FSTL4: variants seen among roughly 807,000 people sequenced by gnomAD.
FSTL4 encodes the protein follistatin like 4, also known as follistatin-related protein 4.
Under a neutral mutation model 78.2 loss-of-function variants are expected in FSTL4, and 28 were observed. That is an observed-to-expected ratio of 0.36 (90% confidence interval 0.27 to 0.49). The LOEUF (loss-of-function observed/expected upper bound fraction) is 0.49, where lower values mean the gene tolerates loss of function less well. FSTL4 is among the 20% of genes least tolerant of loss of function. The probability of loss-of-function intolerance (pLI) is 0.98; values close to 1 mark genes in which losing one functional copy is unlikely to be tolerated. For synonymous variants in FSTL4, 422 were observed against 440.5 expected (o/e 0.96, Z 0.53); for missense variants, 922 against 1,084.9 (o/e 0.85, Z 2.11).
the FSTL4 span, among the ~76,000 whole-genome samples, chr5:133,692,496 G>A: frequency 6.6e-6 from 1 of 152,140 alleles, no homozygotes. Flanking sequence ...CAGTGGCCTG[G>A]GCTTGTACAA....
intron 6 of FSTL4, among the ~76,000 whole-genome samples, chr5:133,278,913 C>T (rs1451136241): frequency 2.6e-5 from 4 of 152,234 alleles, no homozygotes; most frequent in Non-Finnish European, 5.9e-5. Flanking sequence ...CTCAGGTATA[C>T]AGGGTAGTAA....
At position 133,219,270 on chromosome 5, in the gene FSTL4, A is replaced by AC. The variant is rs1394471478; in HGVS notation, c.1458+1477dup. 2.6e-5 allele frequency among the ~76,000 whole-genome samples: 4 copies of AC among 151,886 alleles called. No homozygotes were observed. In the East Asian group the frequency reaches 7.7e-4, roughly 29 times the overall value. ...AGCTCCTGCTTGGTTCTCTCATGCCACCCCCCATTCTCTCCTAGGTGACTG... is the reference window on the plus strand; with the variant it reads ...AGCTCCTGCTTGGTTCTCTCATGCCACCCCCCCATTCTCTCCTAGGTGACTG... On this transcript the variant is annotated intron_variant, in intron 12 of 15. Transcript: ENST00000265342.
chr5:133,465,817 A>G (rs31341), intron 3 of FSTL4, among the ~76,000 whole-genome samples: 11,934 of 152,318 alleles, frequency 0.078, 578 homozygotes, highest in Non-Finnish European at 0.11. Context: ...CTGACAAAGC[A>G]GCATGCAACA....
chr5:133,756,702 T>C, the FSTL4 span, among the ~76,000 whole-genome samples: 4 of 151,272 alleles, frequency 2.6e-5, no homozygotes, highest in African/African-American at 9.7e-5. Flanking sequence ...GAGGGTAGAG[T>C]TGTGATTTGT....
intron 6 of FSTL4, among the ~76,000 whole-genome samples, chr5:133,310,685 C>T (rs1181595579): frequency 6.6e-6 from 1 of 152,230 alleles, no homozygotes; most frequent in African/African-American, 2.4e-5. Context: ...CCACAAATCC[C>T]TGAAGTCCAG....
the FSTL4 span, among the ~76,000 whole-genome samples, chr5:133,815,772 C>G: frequency 6.6e-6 from 1 of 152,286 alleles, no homozygotes; most frequent in East Asian, 1.9e-4. Context: ...CCCTTATCCA[C>G]AGGCGGGAAA....
chr5:133,679,446 C>T, the FSTL4 span, among the ~76,000 whole-genome samples: 1 of 152,106 alleles, frequency 6.6e-6, no homozygotes, highest in Non-Finnish European at 1.5e-5. Flanking sequence ...GGGGATCGTG[C>T]TCCCTCAAGC....
At chr5:133,627,745 A>G in the FSTL4 span, among the ~76,000 whole-genome samples, 6 of 152,236 alleles carry the variant, frequency 3.9e-5, no homozygotes, top group Admixed American at 3.3e-4. Context: ...TGACATGTCA[A>G]TGCTTAAGCC....
intron 3 of FSTL4, among the ~76,000 whole-genome samples, chr5:133,508,039 A>G (rs1758648460): frequency 1.3e-5 from 2 of 152,182 alleles, no homozygotes; most frequent in South Asian, 4.2e-4. Context: ...TATGAAAGGG[A>G]ACAGCAATGA....
the FSTL4 span, among the ~76,000 whole-genome samples, chr5:133,718,101 T>G: frequency 6.6e-6 from 1 of 150,708 alleles, no homozygotes; most frequent in South Asian, 2.1e-4. Context: ...GGTTTTTGGT[T>G]TTTTTTTTTG....
At chr5:133,237,925 T>A (rs1160575965) in intron 7 of FSTL4, among the ~76,000 whole-genome samples, 1 of 152,072 alleles carries the variant, frequency 6.6e-6, no homozygotes, top group Non-Finnish European at 1.5e-5. Flanking sequence ...AATAAACAGA[T>A]GTCAGATTAG....
At chr5:133,571,700 A>G (rs1238705485) in intron 2 of FSTL4, among the ~76,000 whole-genome samples, 1 of 152,206 alleles carries the variant, frequency 6.6e-6, no homozygotes. Context: ...AACAAAAATA[A>G]ACAAAAAATA....
intron 6 of FSTL4, among the ~76,000 whole-genome samples, chr5:133,261,914 C>T (rs1373715335): frequency 6.6e-6 from 1 of 151,870 alleles, no homozygotes; most frequent in Non-Finnish European, 1.5e-5. Context: ...ATTGCTTGAG[C>T]CCAGGAGGCG....
intron 6 of FSTL4, among the ~76,000 whole-genome samples, chr5:133,284,607 GA>G (rs145692325): frequency 0.17 from 26,409 of 152,146 alleles, 2,728 homozygotes; most frequent in African/African-American, 0.28. Context: ...TGCTGCTCTG[GA>G]ACCACTCCTT....
At chr5:133,277,893 G>A (rs934749088) in intron 6 of FSTL4, among the ~76,000 whole-genome samples, 5 of 152,166 alleles carry the variant, frequency 3.3e-5, no homozygotes, top group Admixed American at 6.5e-5. Flanking sequence ...GTAGGTGGGG[G>A]CCTCATAGCA....
chr5:133,815,354 T>C, the FSTL4 span, among the ~76,000 whole-genome samples: 1 of 152,204 alleles, frequency 6.6e-6, no homozygotes, highest in Admixed American at 6.5e-5. Context: ...GGGTGCAGTT[T>C]CCATTTCCTA....
rs989214230 is a variant in FSTL4 at position 133,220,817 on chromosome 5, G to A, written c.1389C>T (p.Ile463=). The change falls in exon 12 of 16, where the codon ATC becomes ATT. Residue 463 remains isoleucine, a synonymous_variant. Coordinates refer to ENST00000265342, the MANE Select transcript of FSTL4 (RefSeq NM_015082.2). ...MFYVFSDDGI[I]VIHPVDCEIQ... ...TCTCACAGTCCACAGGATGGATGACGATGATACCGTCGTCGGAGAAGACAT... is the reference window on the plus strand; with the variant it reads ...TCTCACAGTCCACAGGATGGATGACAATGATACCGTCGTCGGAGAAGACAT... 24 of 1,613,208 alleles carry A rather than the reference G, an allele frequency of 1.5e-5. No individual in the cohort carries two copies. The highest frequency in any genetic ancestry group is 1.6e-4 in the Middle Eastern group (1 of 6,080).
At chr5:133,606,183 C>T (rs971709613) in intron 1 of FSTL4, among the ~76,000 whole-genome samples, 27 of 152,162 alleles carry the variant, frequency 1.8e-4, no homozygotes, top group African/African-American at 5.8e-4. Flanking sequence ...TTCAATGGTG[C>T]GATCTCGGCT....
chr5:133,629,206 C>T, the FSTL4 span, among the ~76,000 whole-genome samples: 1 of 151,630 alleles, frequency 6.6e-6, no homozygotes, highest in African/African-American at 2.4e-5. Flanking sequence ...TATCAAAGGC[C>T]TTTTCTGCAT....
Sources: allele counts gnomAD v4.1 joint callset (sites outside exome capture counted in the v4.1 genomes callset), GRCh38; gene constraint gnomAD v4.1.1; transcripts MANE v1.5; gene names NCBI Gene and HGNC (gene_info 2026-07-23, HGNC 2026-07-21).